The following RBFOX1 variants were observed in gnomAD, a reference collection of about 807,000 sequenced individuals.
RBFOX1 encodes the protein RNA binding protein fox-1 homolog 1.
In RBFOX1, 8 loss-of-function variants were observed where a neutral mutation model predicts 57.7. The observed-to-expected ratio is 0.14, with a 90% CI of 0.08 to 0.25. The LOEUF is 0.25. Ranked by LOEUF, RBFOX1 falls within the 10% of genes least tolerant of loss-of-function variation. RBFOX1 has a pLI of 1.00. For missense variants in RBFOX1, 611 were observed against 548.5 expected (o/e 1.11, Z -1.14); for synonymous variants, 326 against 222.4 (o/e 1.47, Z -4.15).
chr16:6,918,705 C>A (rs534133449), intron 3 of RBFOX1, among the ~76,000 whole-genome samples: 4 of 152,176 alleles, frequency 2.6e-5, no homozygotes, highest in African/African-American at 7.2e-5. Flanking sequence ...AGAAAGAAAT[C>A]ATTCTCTGCC....
At position 5,972,192 on chromosome 16, in the gene RBFOX1, C is replaced by G. The variant is rs143302331; in HGVS notation, c.351+104857C>G. Among the ~76,000 whole-genome samples, 963 of 152,278 alleles carry G rather than the reference C, an allele frequency of 6.3e-3. 2 individuals are homozygous for G. Among genetic ancestry groups the G allele is most frequent in the Non-Finnish European group, 9.1e-3 (617 of 68,020 alleles). On this transcript the variant is annotated intron_variant, in intron 4 of 19. Coordinates refer to the RBFOX1 transcript ENST00000641259. ...GCCAATTCCTTATGATAAGTAAATA[C>G]ACACACATAAGCACACACACACACC...
intron 13 of RBFOX1, among the ~76,000 whole-genome samples, chr16:7,667,195 A>C (rs1263089960): frequency 6.6e-6 from 1 of 152,130 alleles, no homozygotes; most frequent in Non-Finnish European, 1.5e-5. Context: ...GACCTTCCTG[A>C]ATATTTTGCT....
chr16:5,778,787 C>A (rs1393451103), intron 3 of RBFOX1, among the ~76,000 whole-genome samples: 2 of 152,146 alleles, frequency 1.3e-5, no homozygotes, highest in African/African-American at 2.4e-5. Context: ...CACCCCTCAG[C>A]CACTGTGCAA....
At chr16:7,569,039 C>G (rs925644621) in intron 5 of RBFOX1, among the ~76,000 whole-genome samples, 4 of 152,080 alleles carry the variant, frequency 2.6e-5, no homozygotes, top group African/African-American at 9.7e-5. Context: ...GGAAGACTTT[C>G]TTTCTCTACT....
intron 2 of RBFOX1, among the ~76,000 whole-genome samples, chr16:6,615,864 G>C (rs1345111075): frequency 2.0e-5 from 3 of 152,104 alleles, no homozygotes. Flanking sequence ...GTGGAACTGC[G>C]TTTCCTTGCT....
At chr16:6,157,752 T>C (rs980835359) in intron 1 of RBFOX1, among the ~76,000 whole-genome samples, 3 of 152,234 alleles carry the variant, frequency 2.0e-5, no homozygotes, top group African/African-American at 7.2e-5. Flanking sequence ...TAGGTTTAAA[T>C]AATTTATAGG....
intron 4 of RBFOX1, among the ~76,000 whole-genome samples, chr16:7,391,901 C>CA (rs74793022): frequency 0.065 from 9,884 of 152,250 alleles, 393 homozygotes; most frequent in East Asian, 0.2. Flanking sequence ...AGGTAAGGGA[C>CA]AAGGATATCA....
intron 4 of RBFOX1, among the ~76,000 whole-genome samples, chr16:7,136,782 T>C (rs1048877933): frequency 2.0e-5 from 3 of 152,194 alleles, no homozygotes; most frequent in Non-Finnish European, 4.4e-5. Flanking sequence ...TAGTGGTTAG[T>C]ATTAACCAGG....
intron 4 of RBFOX1, among the ~76,000 whole-genome samples, chr16:7,131,164 G>A (rs1567380713): frequency 6.6e-6 from 1 of 151,870 alleles, no homozygotes. Context: ...GGTCAACATG[G>A]TGAAACCACA....
At chr16:7,634,958 T>C (rs1159456780) in intron 11 of RBFOX1, among the ~76,000 whole-genome samples, 1 of 152,202 alleles carries the variant, frequency 6.6e-6, no homozygotes, top group African/African-American at 2.4e-5. Flanking sequence ...ATAGAAACAA[T>C]TCAACCCCTT....
In RBFOX1 at chr16:7,133,118, A is replaced by G. The variant is rs558931416; in HGVS notation, c.27+81020A>G. Among the ~76,000 whole-genome samples the G allele has an allele frequency of 1.8e-4, 28 of 152,350 alleles. No individual in the cohort carries two copies. In the South Asian group the frequency reaches 2.1e-3, roughly 11 times the overall value. On this transcript the variant is annotated intron_variant, in intron 4 of 15. Coordinates refer to ENST00000550418, the MANE Select transcript of RBFOX1 (RefSeq NM_018723.4). Reference sequence around the variant, plus strand: ...TTGATATTATGGTTTGTATGCATCAAAAATGCAGGTTTTAATACCAAGATC... The same window carrying G: ...TTGATATTATGGTTTGTATGCATCAGAAATGCAGGTTTTAATACCAAGATC...
chr16:6,945,867 G>C (rs990353719), intron 3 of RBFOX1, among the ~76,000 whole-genome samples: 3 of 152,140 alleles, frequency 2.0e-5, no homozygotes, highest in Non-Finnish European at 4.4e-5. Flanking sequence ...CTCCCCACTG[G>C]GTGACAGAGC....
intron 4 of RBFOX1, among the ~76,000 whole-genome samples, chr16:7,193,133 G>A (rs11647846): frequency 4.6e-5 from 7 of 152,188 alleles, no homozygotes; most frequent in Admixed American, 2.0e-4. Context: ...TGAGATAGGC[G>A]CATTATCCTG....
intron 2 of RBFOX1, among the ~76,000 whole-genome samples, chr16:6,544,699 A>G (rs9933839): frequency 6.6e-6 from 1 of 152,146 alleles, no homozygotes; most frequent in African/African-American, 2.4e-5. Flanking sequence ...GTGGGACTCT[A>G]TATAAGTTTG....
intron 3 of RBFOX1, among the ~76,000 whole-genome samples, chr16:6,985,750 C>CTTGAA (rs1164788232): frequency 6.7e-6 from 1 of 148,856 alleles, no homozygotes; most frequent in East Asian, 2.0e-4. Context: ...ATAAGAATTG[C>CTTGAA]TTGAACCCAG....
In RBFOX1 at chr16:6,300,583, C is replaced by T. The variant is rs141094304; in HGVS notation, c.-126-16412C>T. On this transcript the variant is annotated intron_variant, in intron 1 of 15. Coordinates refer to ENST00000550418, the MANE Select transcript of RBFOX1 (RefSeq NM_018723.4). ...AAATTCGTACTGTTGTTAGGTTGGA[C>T]TCATGAAGCCTCCTTCATCTAGTTT... Among the ~76,000 whole-genome samples the T allele has an allele frequency of 3.5e-3, 529 of 152,304 alleles. 6 individuals are homozygous for T. The highest frequency in any genetic ancestry group is 0.012 in the African/African-American group (484 of 41,560).
At chr16:6,568,221 G>A (rs1051032943) in intron 2 of RBFOX1, among the ~76,000 whole-genome samples, 1 of 152,174 alleles carries the variant, frequency 6.6e-6, no homozygotes, top group Non-Finnish European at 1.5e-5. Context: ...TCTGGGAGTG[G>A]CTCTAGCTCT....
At chr16:6,657,306 G>C (rs979193600) in intron 3 of RBFOX1, among the ~76,000 whole-genome samples, 2 of 151,870 alleles carry the variant, frequency 1.3e-5, no homozygotes, top group African/African-American at 4.8e-5. Flanking sequence ...TCTAACAATT[G>C]TTAAGAAGAG....
chr16:6,559,239 C>A (rs538884342), intron 2 of RBFOX1, among the ~76,000 whole-genome samples: 2 of 151,978 alleles, frequency 1.3e-5, no homozygotes, highest in African/African-American at 4.8e-5. Flanking sequence ...TAAGTTGTGC[C>A]TTATAACCAA....
Sources: gnomAD v4.1 joint callset for allele counts (sites outside exome capture counted in the v4.1 genomes callset) on GRCh38, gnomAD v4.1.1 for gene constraint, MANE v1.5 for transcripts, NCBI Gene and HGNC (gene_info 2026-07-23, HGNC 2026-07-21) for gene names.